The following PTPRT variants were observed in gnomAD, a reference collection of about 807,000 sequenced individuals.
PTPRT encodes receptor-type tyrosine-protein phosphatase T.
PTPRT carries 56 observed loss-of-function variants against 176.8 expected under a neutral mutation model. That is an observed-to-expected ratio of 0.32 (90% CI 0.26 to 0.40). The LOEUF (loss-of-function observed/expected upper bound fraction) is 0.40. Among genes scored for constraint, PTPRT ranks in the 10% least tolerant of loss-of-function variants. PTPRT has a pLI of 1.00. For missense variants in PTPRT, 1,540 were observed against 1,908.2 expected, an observed-to-expected ratio of 0.81 and a Z score of 3.60; for synonymous variants, 783 against 739.0, an observed-to-expected ratio of 1.06 and a Z score of -0.96.
rs76871651 is a variant in PTPRT, at chr20:42,806,045, G to A, written c.215-14579C>T. Among the ~76,000 whole-genome samples, 795 of 149,732 alleles carry A rather than the reference G, an allele frequency of 5.3e-3. 10 individuals are homozygous for A. The highest frequency in any genetic ancestry group is 0.018 in the African/African-American group (730 of 40,448). On this transcript the variant is annotated intron_variant, in intron 2 of 30. Coordinates refer to ENST00000373187, the MANE Select transcript of PTPRT (RefSeq NM_007050.6). ...TAATCTTACAGCCTTGTTCTTAGGA[G>A]CACAGCACAGCAATGAAGATGCAGG...
rs999119649 is a variant in PTPRT, at chr20:42,190,827, A to G, written c.2491+8413T>C. The stretch of plus-strand genomic sequence containing the variant: ...AATAATAACATCTACAGAAGGCAGC[A>G]TGGAGGAGTAGTCTTGGACTAAGGG... On this transcript the variant is annotated intron_variant, in intron 16 of 30. Transcript: ENST00000373187. Among the ~76,000 whole-genome samples the G allele has an allele frequency of 3.5e-4, 53 of 152,220 alleles. 1 individual carries two copies. Among genetic ancestry groups the G allele is most frequent in the African/African-American group, 1.2e-3 (50 of 41,460 alleles).
intron 7 of PTPRT, among the ~76,000 whole-genome samples, chr20:42,627,457 A>C (rs1376459877): frequency 1.3e-5 from 2 of 151,832 alleles, no homozygotes; most frequent in African/African-American, 4.8e-5. Context: ...TTTTTTGTAG[A>C]GATGAGGTCT....
Position 42,995,778 on chromosome 20 carries a change from T to C in PTPRT, c.89-109846A>G, listed in dbSNP as rs544642902. Among the ~76,000 whole-genome samples, 102 of 152,260 alleles carry C rather than the reference T, an allele frequency of 6.7e-4. 1 individual carries two copies. The highest frequency in any genetic ancestry group is 2.2e-3 in the African/African-American group (93 of 41,556). ...TTTCTTCATCCTTTTTTGAAAAGTC[T>C]GTTTCTATTGTGACACCAATCCAAC... On this transcript the variant is annotated intron_variant, in intron 1 of 30. Coordinates refer to ENST00000373187, the MANE Select transcript of PTPRT (RefSeq NM_007050.6).
intron 1 of PTPRT, among the ~76,000 whole-genome samples, chr20:43,039,553 G>A (rs1986522531): frequency 1.3e-5 from 2 of 151,852 alleles, no homozygotes; most frequent in Middle Eastern, 3.4e-3. Flanking sequence ...CCATGAAGAT[G>A]AAAAATCAGT....
At chr20:42,501,504 T>C (rs1350370704) in intron 7 of PTPRT, among the ~76,000 whole-genome samples, 2 of 152,152 alleles carry the variant, frequency 1.3e-5, no homozygotes, top group African/African-American at 2.4e-5. Context: ...TTACTTTCTA[T>C]ATACACCAAG....
At chr20:42,499,791 T>C (rs1367233643) in intron 7 of PTPRT, among the ~76,000 whole-genome samples, 5 of 152,194 alleles carry the variant, frequency 3.3e-5, no homozygotes, top group Non-Finnish European at 7.3e-5. Context: ...ATAACCCTTG[T>C]ATAAGTGGAT....
At chr20:42,310,326 TA>T (rs2057607992) in intron 12 of PTPRT, among the ~76,000 whole-genome samples, 1 of 151,916 alleles carries the variant, frequency 6.6e-6, no homozygotes, top group African/African-American at 2.4e-5. Context: ...ATGTGAAAAA[TA>T]AAAGAAGTAA....
chr20:43,074,842 T>A (rs1308922281), intron 1 of PTPRT, among the ~76,000 whole-genome samples: 5 of 152,232 alleles, frequency 3.3e-5, no homozygotes, highest in African/African-American at 1.2e-4. Flanking sequence ...AATGGAAGGA[T>A]ATCGATCTTC....
At position 42,301,897 on chromosome 20, in the gene PTPRT, G is replaced by C. The variant is rs115308569; in HGVS notation, c.2139+13826C>G. Among the ~76,000 whole-genome samples, 565 of 152,286 alleles carry C rather than the reference G, an allele frequency of 3.7e-3. 6 individuals carry two copies. Among genetic ancestry groups the C allele is most frequent in the African/African-American group, 0.012 (502 of 41,550 alleles). Reference sequence around the variant, plus strand: ...TGGGTTGATGATCATTGTTGAAGCTGAGTGACGGGCACATACAGATCAGTC... The same window carrying C: ...TGGGTTGATGATCATTGTTGAAGCTCAGTGACGGGCACATACAGATCAGTC... On this transcript the variant is annotated intron_variant, in intron 12 of 30. Coordinates refer to ENST00000373187, the MANE Select transcript of PTPRT (RefSeq NM_007050.6).
intron 1 of PTPRT, among the ~76,000 whole-genome samples, chr20:43,006,030 T>G (rs2146140347): frequency 6.6e-6 from 1 of 152,272 alleles, no homozygotes; most frequent in African/African-American, 2.4e-5. Flanking sequence ...CAATGTGTAG[T>G]TGGACCCTGA....
At chr20:42,224,361 C>T (rs1600698695) in intron 15 of PTPRT, among the ~76,000 whole-genome samples, 2 of 152,144 alleles carry the variant, frequency 1.3e-5, no homozygotes, top group Non-Finnish European at 1.5e-5. Context: ...GACCTCTGTA[C>T]ATTTATGAAC....
At chr20:42,622,182 T>C (rs1261593530) in intron 7 of PTPRT, among the ~76,000 whole-genome samples, 2 of 152,132 alleles carry the variant, frequency 1.3e-5, no homozygotes, top group Non-Finnish European at 2.9e-5. Context: ...AAATCATGGG[T>C]ATGACATTGA....
rs1162609724 is a variant in PTPRT, at chr20:42,448,254, G to A, written c.1526C>T (p.Pro509Leu). The A allele has an allele frequency of 6.2e-7, 1 of 1,613,404 alleles. No homozygotes were observed. Among genetic ancestry groups the A allele is most frequent in the Non-Finnish European group, 8.5e-7 (1 of 1,179,420 alleles). The change falls in exon 9 of 31, where the codon CCC becomes CTC. Residue 509 changes from proline to leucine, a missense_variant. This residue lies in a region of PTPRT where 136 missense variants were observed against 135.0 expected (regional missense o/e 1.01). Coordinates refer to ENST00000373187, the MANE Select transcript of PTPRT (RefSeq NM_007050.6). The stretch of plus-strand genomic sequence containing the variant: ...CGTGATGACCCCATTGGTCTCATTG[G>A]GAGGTTTCCACTGGATGTAGATCTT... ...EEKIYIQWKPPNETNGVITLY... is the reference protein window; with the variant it reads ...EEKIYIQWKPLNETNGVITLY...
intron 9 of PTPRT, among the ~76,000 whole-genome samples, chr20:42,423,934 A>C (rs1465421566): frequency 3.3e-5 from 5 of 152,218 alleles, no homozygotes; most frequent in Non-Finnish European, 7.3e-5. Flanking sequence ...AGGAGAAAAA[A>C]ATGAAACAAA....
chr20:42,300,391 A>G (rs1568752933), intron 12 of PTPRT, among the ~76,000 whole-genome samples: 1 of 152,094 alleles, frequency 6.6e-6, no homozygotes, highest in Non-Finnish European at 1.5e-5. Context: ...CTGAGTTTCT[A>G]TAATAAGTAC....
At chr20:43,159,290 C>T (rs1230615195) in intron 1 of PTPRT, among the ~76,000 whole-genome samples, 1 of 152,172 alleles carries the variant, frequency 6.6e-6, no homozygotes, top group Non-Finnish European at 1.5e-5. Context: ...TACTTTCTAG[C>T]TTTGGAGAAA....
At chr20:42,365,023 T>C (rs1056050636) in intron 9 of PTPRT, among the ~76,000 whole-genome samples, 4 of 152,230 alleles carry the variant, frequency 2.6e-5, no homozygotes, top group Non-Finnish European at 5.9e-5. Flanking sequence ...ATTTTATATT[T>C]TCTAGGAGCC....
In PTPRT at chr20:42,141,989, C is replaced by A. The variant is rs1480383792; in HGVS notation, c.2696G>T (p.Gly899Val). ...GGCTGTGTCCCACGAAGCTGTCTGCCCCTCTGGTAAGGCCTAAAAAGCAAG... is the reference window on the plus strand; with the variant it reads ...GGCTGTGTCCCACGAAGCTGTCTGCACCTCTGGTAAGGCCTAAAAAGCAAG... ...FKEEYEALPEGQTASWDTAKE... is the reference protein window; with the variant it reads ...FKEEYEALPEVQTASWDTAKE... Residue 899 changes from glycine to valine, a missense_variant, in exon 18 of 31, where the codon GGG (glycine) becomes GTG (valine). Around this residue, in one of 11 missense-constraint regions of PTPRT, gnomAD observed 248 missense variants for 356.7 expected, o/e 0.70. Transcript: ENST00000373187. 1 of 1,614,052 alleles carries A rather than the reference C, an allele frequency of 6.2e-7. No individual in the cohort carries two copies. Among genetic ancestry groups the A allele is most frequent in the Non-Finnish European group, 8.5e-7 (1 of 1,179,954 alleles).
intron 9 of PTPRT, among the ~76,000 whole-genome samples, chr20:42,358,746 G>T (rs557054471): frequency 6.6e-6 from 1 of 152,328 alleles, no homozygotes; most frequent in East Asian, 1.9e-4. Context: ...GTGAGCTGAT[G>T]CTGCCTTTGT....
Sources: allele counts gnomAD v4.1 joint callset (sites outside exome capture counted in the v4.1 genomes callset), GRCh38; gene constraint gnomAD v4.1.1; regional missense constraint gnomAD v4.1.1; transcripts MANE v1.5; gene names NCBI Gene and HGNC (gene_info 2026-07-23, HGNC 2026-07-21).